Variants in TOLLIP observed in about 807,000 individuals in gnomAD.
TOLLIP encodes the protein toll-interacting protein.
TOLLIP carries 16 observed loss-of-function variants against 33.5 expected under a neutral mutation model. That is an observed-to-expected ratio of 0.48 (90% CI 0.32 to 0.72). The LOEUF is 0.72. TOLLIP is among the 30% of genes least tolerant of loss of function. TOLLIP has a pLI of 0.03. For synonymous variants in TOLLIP, 176 were observed against 163.7 expected (o/e 1.07, Z -0.57); for missense variants, 325 against 396.6 (o/e 0.82, Z 1.53).
chr11:1,302,489 T>G, intron 1 of TOLLIP: 1 of 835,330 alleles, frequency 1.2e-6, no homozygotes, highest in South Asian at 5.4e-5. Flanking sequence ...AAAATAAGGC[T>G]AGAAGGAAAA....
At chr11:1,288,501 GC>G in intron 4 of TOLLIP, 122 bp downstream of exon 4, 1 of 1,237,714 alleles carries the variant, frequency 8.1e-7, no homozygotes, top group Non-Finnish European at 1.1e-6. Context: ...CAGAACGTGA[GC>G]CCTGCTGTTT....
At chr11:1,285,899 G>A (rs1337694169) in intron 5 of TOLLIP, 103 bp downstream of exon 5, 3 of 789,640 alleles carry the variant, frequency 3.8e-6, no homozygotes, top group East Asian at 2.9e-5. Context: ...AATGGATGAC[G>A]TCCCCACCCC....
intron 5 of TOLLIP, 137 bp downstream of exon 5, chr11:1,285,865 G>C (rs1370376627): frequency 1.8e-6 from 1 of 551,102 alleles, no homozygotes; most frequent in Non-Finnish European, 3.2e-6. Flanking sequence ...TCTGTGTGCG[G>C]TCAGCACGTC....
chr11:1,288,663 G>A lies in TOLLIP; in HGVS notation c.480C>T (p.Asp160=), dbSNP rs779332552. The change falls in exon 4 of 6, where the codon GAC becomes GAT. Residue 160 remains aspartate (D), a synonymous_variant. Transcript: ENST00000317204. ...CGAGGTTGATCATGCCCTCCTTGTC[G>A]TCCCCCTGCCTCCCGCTCAGGCTGT... is the stretch of plus-strand genomic sequence containing the variant. ...KWYSLSGRQG[D]DKEGMINLVM... The A allele has an allele frequency of 1.2e-4, 193 of 1,612,576 alleles. No homozygotes were observed. The highest frequency in any genetic ancestry group is 2.0e-4 in the South Asian group (18 of 91,064).
Position 1,290,087 on chromosome 11 carries a change from G to A in TOLLIP, c.366+140C>T. ...CATTCCTTGGGGAGAGCAGGACCCTGTCATGCACCCAATGAAACACCAGGT... is the reference window on the plus strand; with the variant it reads ...CATTCCTTGGGGAGAGCAGGACCCTATCATGCACCCAATGAAACACCAGGT... On this transcript the variant is annotated intron_variant, in intron 3 of 5. Transcript: ENST00000317204. This position sits in a 1 kb window ranked among gnomAD's most constrained non-coding sequence, Gnocchi z 4.9. The A allele has an allele frequency of 2.7e-6, 2 of 752,294 alleles. No individual in the cohort carries two copies. The highest frequency in any genetic ancestry group is 2.2e-6 in the Non-Finnish European group (1 of 455,362). The allele number at this position is 752,294 out of a possible 1,614,324, so 46.6% of individuals were successfully genotyped here.
rs535680600 is a variant in TOLLIP at position 1,302,907 on chromosome 11, C to T, written c.33+6559G>A. The T allele has an allele frequency of 1.1e-4, 52 of 455,608 alleles. No homozygotes were observed. In the South Asian group the frequency reaches 4.4e-3, roughly 39 times the overall value. 28.2% of individuals were successfully genotyped at this position (455,608 alleles called of 1,614,324 possible). On this transcript the variant is annotated intron_variant, in intron 1 of 5. Transcript: ENST00000317204. The stretch of plus-strand genomic sequence containing the variant: ...ATTCGCCGTGCCTTGTCTCCCCTTC[C>T]GGGGCCTTCCTCAGACAGGGCTTTC...
intron 1 of TOLLIP, among the ~76,000 whole-genome samples, chr11:1,304,395 A>G (rs1034310386): frequency 1.3e-4 from 20 of 152,338 alleles, no homozygotes; most frequent in Admixed American, 2.6e-4. Context: ...GTGACCCCAA[A>G]TGGAAGGCCC....
intron 5 of TOLLIP, among the ~76,000 whole-genome samples, chr11:1,279,030 G>A (rs528066905): frequency 6.6e-6 from 1 of 152,196 alleles, no homozygotes; most frequent in African/African-American, 2.4e-5. Flanking sequence ...CATGAGGAAC[G>A]GAGGCACCGT....
At position 1,278,231 on chromosome 11, in the gene TOLLIP, G is replaced by A. The variant is rs935872584; in HGVS notation, c.611-978C>T. Among the ~76,000 whole-genome samples the A allele has an allele frequency of 1.3e-5, 2 of 151,562 alleles. No individual in the cohort carries two copies. The highest frequency in any genetic ancestry group is 1.5e-5 in the Non-Finnish European group (1 of 67,978). On this transcript the variant is annotated intron_variant, in intron 5 of 5. Coordinates refer to ENST00000317204, the MANE Select transcript of TOLLIP (RefSeq NM_019009.4). This position sits in a 1 kb window ranked among gnomAD's most constrained non-coding sequence, Gnocchi z 4.7. ...GGCACAGAGCACAGGCAGCGTGCGCGGGGCTCGGCGACCAGCGAGGCACAG... is the reference window on the plus strand; with the variant it reads ...GGCACAGAGCACAGGCAGCGTGCGCAGGGCTCGGCGACCAGCGAGGCACAG...
At chr11:1,283,444 G>A (rs5743992) in intron 5 of TOLLIP, 26,350 of 427,002 alleles carry the variant, frequency 0.062, 1,079 homozygotes, top group Admixed American at 0.13. Flanking sequence ...TGCCAGGGAC[G>A]CCCCTGCTTA....
chr11:1,300,918 G>A (rs777044667), intron 1 of TOLLIP, among the ~76,000 whole-genome samples: 9 of 152,244 alleles, frequency 5.9e-5, no homozygotes, highest in Non-Finnish European at 1.3e-4. Context: ...ACCCCATGAC[G>A]CTGCGAGGCT....
At chr11:1,282,867 C>T (rs921513334) in intron 5 of TOLLIP, among the ~76,000 whole-genome samples, 1 of 151,506 alleles carries the variant, frequency 6.6e-6, no homozygotes, top group African/African-American at 2.4e-5. Flanking sequence ...AGCACACCAA[C>T]ATGGCACATG....
At chr11:1,301,210 G>C (rs1015351804) in intron 1 of TOLLIP, among the ~76,000 whole-genome samples, 4 of 152,214 alleles carry the variant, frequency 2.6e-5, no homozygotes, top group Admixed American at 1.3e-4. Context: ...TGAAGCTTTT[G>C]CTTGATGTGA....
chr11:1,302,412 G>A (rs1864308957), intron 1 of TOLLIP, among the ~76,000 whole-genome samples: 1 of 152,246 alleles, frequency 6.6e-6, no homozygotes, highest in South Asian at 2.1e-4. Flanking sequence ...GGAGCCCCGT[G>A]GAGGTGAAGG....
chr11:1,308,648 G>A (rs1864485232), intron 1 of TOLLIP, among the ~76,000 whole-genome samples: 1 of 152,252 alleles, frequency 6.6e-6, no homozygotes, highest in Admixed American at 6.5e-5. Flanking sequence ...AGAATTCAGA[G>A]CAGGAAAGGT....
chr11:1,284,434 C>T (rs181419904), intron 5 of TOLLIP, among the ~76,000 whole-genome samples: 106 of 152,162 alleles, frequency 7.0e-4, no homozygotes, highest in Non-Finnish European at 1.2e-3. Context: ...CTGCAAGCTC[C>T]ACCTCCTGGG....
In TOLLIP at chr11:1,290,346, A is replaced by G. The variant is rs1418945771; in HGVS notation, c.247T>C (p.Tyr83His). 5.6e-6 allele frequency: 9 copies of G among 1,613,588 alleles called. No individual in the cohort carries two copies. The South Asian group carries it at 9.9e-5, about 18-fold the overall frequency. ...MDPYCRLRLG[Y>H]AVYETPTAHN... Reference sequence around the variant, plus strand: ...GCCGTGGGCGTCTCGTACACCGCGTAGCCCAGGCGCAGTCGGCAGTAGGGG... The same window carrying G: ...GCCGTGGGCGTCTCGTACACCGCGTGGCCCAGGCGCAGTCGGCAGTAGGGG... The change falls in exon 3 of 6, where the codon TAC (tyrosine) becomes CAC (histidine). Residue 83 changes from tyrosine (Y) to histidine (H), a missense_variant. By Grantham distance (83) the Tyr-to-His change is moderately conservative. Coordinates refer to ENST00000317204, the MANE Select transcript of TOLLIP (RefSeq NM_019009.4). The surrounding 1 kb of genome is among the most constrained non-coding windows in gnomAD (Gnocchi z 4.9).
At chr11:1,304,233 G>A (rs967164921) in intron 1 of TOLLIP, among the ~76,000 whole-genome samples, 52 of 152,016 alleles carry the variant, frequency 3.4e-4, no homozygotes, top group Non-Finnish European at 4.3e-4. Context: ...ACAAGTGACC[G>A]TCCACCGGGA....
intron 5 of TOLLIP, chr11:1,283,561 T>TA: frequency 2.2e-6 from 1 of 456,282 alleles, no homozygotes; most frequent in Non-Finnish European, 4.4e-6. Flanking sequence ...TGGGAACTTT[T>TA]CTATGAAGTG....
Sources: gnomAD v4.1 joint callset for allele counts (sites outside exome capture counted in the v4.1 genomes callset) on GRCh38, gnomAD v4.1.1 for gene constraint, Gnocchi (gnomAD v3.1) non-coding constraint, MANE v1.5 for transcripts, NCBI Gene and HGNC (gene_info 2026-07-23, HGNC 2026-07-21) for gene names.